HDX: variants seen among roughly 807,000 people sequenced by gnomAD.
The protein encoded by HDX is highly divergent homeobox.
HDX carries 19 observed loss-of-function variants against 45.2 expected under a neutral mutation model. That is an observed-to-expected ratio of 0.42 (90% CI 0.29 to 0.62). The LOEUF (loss-of-function observed/expected upper bound fraction) is 0.62, where lower values mean the gene tolerates loss of function less well. HDX is among the 20% of genes least tolerant of loss of function. HDX has a pLI of 0.20. For missense variants in HDX, 532 were observed against 493.9 expected (o/e 1.08, Z -0.73); for synonymous variants, 188 against 172.8 (o/e 1.09, Z -0.69).
rs143525374 is a variant in HDX at position 84,378,076 on chromosome X, T to G, written c.1306-16464A>C. On this transcript the variant is annotated intron_variant, in intron 5 of 10. Coordinates refer to ENST00000373177, the MANE Select transcript of HDX (RefSeq NM_001177479.2). ...GGCAGCAGACTTTTCAGTGGAAACC[T>G]TACAGGCCAGGAGATAGTGGCATGA... 1.1e-3 allele frequency among the ~76,000 whole-genome samples: 118 copies of G among 111,718 alleles called. 2 individuals carry two copies. In the East Asian group the frequency reaches 0.025, roughly 24 times the overall value.
chrX:84,427,458 A>G (rs1266271539), intron 5 of HDX, among the ~76,000 whole-genome samples: 1 of 111,240 alleles, frequency 9.0e-6, no homozygotes, highest in Non-Finnish European at 1.9e-5. Context: ...CTGTTAATCA[A>G]CTTTCCCTTT....
At chrX:84,488,272 C>A (rs535546313) in intron 1 of HDX, 140 bp from the exon 2 acceptor site, 8 of 108,819 alleles carry the variant, frequency 7.4e-5, no homozygotes, top group East Asian at 5.8e-4. Context: ...ATTTATTTAA[C>A]CCTTGCTGAA....
chrX:84,366,466 A>G lies in HDX; in HGVS notation c.1306-4854T>C, dbSNP rs763590144. On this transcript the variant is annotated intron_variant, in intron 5 of 10. Transcript: ENST00000373177. Reference sequence around the variant, plus strand: ...CAAGCTACCATTGACTTTCTTCACAAAATTAGAAAAAACTACTTTAAATTG... The same window carrying G: ...CAAGCTACCATTGACTTTCTTCACAGAATTAGAAAAAACTACTTTAAATTG... 2.6e-3 allele frequency among the ~76,000 whole-genome samples: 287 copies of G among 111,905 alleles called. 1 individual carries two copies. Among genetic ancestry groups the G allele is most frequent in the African/African-American group, 9.0e-3 (278 of 30,843 alleles).
intron 4 of HDX, among the ~76,000 whole-genome samples, chrX:84,457,012 T>C (rs760636794): frequency 9.0e-6 from 1 of 111,620 alleles, no homozygotes. Context: ...ATCTGCACCA[T>C]AGACCAAATA....
At chrX:84,385,960 T>G (rs1157149905) in intron 5 of HDX, among the ~76,000 whole-genome samples, 1 of 106,796 alleles carries the variant, frequency 9.4e-6, no homozygotes, top group East Asian at 3.0e-4. Flanking sequence ...GTTCTAGCTT[T>G]TGCCCTTTCA....
intron 6 of HDX, among the ~76,000 whole-genome samples, chrX:84,353,846 G>T (rs886509897): frequency 6.3e-5 from 7 of 111,198 alleles, no homozygotes; most frequent in African/African-American, 2.0e-4. Context: ...ACTCTGAAAG[G>T]TTCCCAGTTG....
chrX:84,329,559 A>G (rs957892472), intron 9 of HDX, among the ~76,000 whole-genome samples: 2 of 112,056 alleles, frequency 1.8e-5, no homozygotes, highest in African/African-American at 3.2e-5. Flanking sequence ...CCAAACCAGA[A>G]GGCGTTCAAG....
At chrX:84,353,653 A>G (rs1017069573) in intron 6 of HDX, among the ~76,000 whole-genome samples, 1 of 111,269 alleles carries the variant, frequency 9.0e-6, no homozygotes, top group Admixed American at 9.6e-5. Flanking sequence ...TTTCCCAGAT[A>G]GCTGGCAAAA....
At chrX:84,465,955 A>G (rs1602508565) in intron 4 of HDX, among the ~76,000 whole-genome samples, 1 of 111,598 alleles carries the variant, frequency 9.0e-6, no homozygotes, top group Admixed American at 9.5e-5. Flanking sequence ...TGATTTTCCA[A>G]ATATGAACTA....
intron 1 of HDX, among the ~76,000 whole-genome samples, chrX:84,494,731 G>A (rs1052438067): frequency 1.8e-5 from 2 of 111,742 alleles, no homozygotes; most frequent in Non-Finnish European, 1.9e-5. Flanking sequence ...GTACAACTTT[G>A]GTGGGGATTT....
chrX:84,395,389 A>G (rs2038538152), intron 5 of HDX, among the ~76,000 whole-genome samples: 1 of 108,758 alleles, frequency 9.2e-6, no homozygotes, highest in Non-Finnish European at 1.9e-5. Context: ...TACTTTAATT[A>G]TATCATCCCA....
chrX:84,477,654 C>T (rs2040583829), intron 2 of HDX, among the ~76,000 whole-genome samples: 1 of 111,837 alleles, frequency 8.9e-6, no homozygotes, highest in Non-Finnish European at 1.9e-5. Context: ...TATCTTCATC[C>T]ACCCTAGCAA....
chrX:84,341,951 T>C (rs1432555327), intron 7 of HDX, among the ~76,000 whole-genome samples: 2 of 111,352 alleles, frequency 1.8e-5, no homozygotes, highest in Non-Finnish European at 3.8e-5. Context: ...CTGAATGTTC[T>C]TTCAAGGGCT....
intron 8 of HDX, among the ~76,000 whole-genome samples, chrX:84,334,639 T>C (rs2036917081): frequency 1.0e-5 from 1 of 97,821 alleles, no homozygotes; most frequent in African/African-American, 3.7e-5. Context: ...AGGGGGCAAG[T>C]TCTCTAATCA....
chrX:84,370,782 A>G (rs1602330281), intron 5 of HDX, among the ~76,000 whole-genome samples: 1 of 112,438 alleles, frequency 8.9e-6, no homozygotes, highest in South Asian at 3.6e-4. Context: ...AAGACCCCCT[A>G]TTATCATAGC....
intron 6 of HDX, among the ~76,000 whole-genome samples, chrX:84,347,211 C>G: frequency 9.2e-6 from 1 of 108,567 alleles, no homozygotes; most frequent in South Asian, 3.9e-4. Flanking sequence ...ATTTTTTTCA[C>G]TATCTTCTTT....
intron 4 of HDX, among the ~76,000 whole-genome samples, chrX:84,467,744 A>G (rs955053931): frequency 1.8e-5 from 2 of 111,549 alleles, no homozygotes; most frequent in African/African-American, 6.5e-5. Context: ...TTCAGAGGGA[A>G]TTATCTATAG....
chrX:84,331,451 A>C, intron 9 of HDX, among the ~76,000 whole-genome samples: 1 of 111,694 alleles, frequency 9.0e-6, no homozygotes, highest in South Asian at 3.7e-4. Context: ...TTATTTCCAA[A>C]GATAAATTAA....
chrX:84,490,493 A>G (rs967929986), intron 1 of HDX, among the ~76,000 whole-genome samples: 2 of 111,678 alleles, frequency 1.8e-5, no homozygotes, highest in African/African-American at 6.5e-5. Flanking sequence ...ATTGCTTAAA[A>G]TGATTTTATA....
Sources: allele counts gnomAD v4.1 joint callset (sites outside exome capture counted in the v4.1 genomes callset), GRCh38; gene constraint gnomAD v4.1.1; transcripts MANE v1.5; gene names NCBI Gene and HGNC (gene_info 2026-07-23, HGNC 2026-07-21).